Variants in GRM4 observed in about 807,000 individuals in gnomAD.
GRM4 encodes the protein metabotropic glutamate receptor 4.
Under a neutral mutation model 81.7 loss-of-function variants are expected in GRM4, and 28 were observed. The observed-to-expected ratio is 0.34, with a 90% CI of 0.25 to 0.47. The LOEUF (loss-of-function observed/expected upper bound fraction) is 0.47, where lower values mean the gene tolerates loss of function less well. GRM4 is among the 20% of genes least tolerant of loss of function. The pLI is 1.00. For missense variants in GRM4, 948 were observed against 1,290.0 expected, an observed-to-expected ratio of 0.73 and a Z score of 4.06; for synonymous variants, 488 against 528.8, an observed-to-expected ratio of 0.92 and a Z score of 1.06.
chr6:34,056,749 G>T (rs561409058), intron 5 of GRM4, 65 bp from the exon 6 acceptor site: 1 of 1,542,544 alleles, frequency 6.5e-7, no homozygotes, highest in Non-Finnish European at 8.8e-7. Context: ...AGCCCTCCCC[G>T]CCTCCCCCAG....
chr6:34,033,227 T>C (rs1285778855), intron 9 of GRM4, among the ~76,000 whole-genome samples: 1 of 152,134 alleles, frequency 6.6e-6, no homozygotes, highest in Non-Finnish European at 1.5e-5. Context: ...GCAGACCCAG[T>C]CTCAGATCTC....
At chr6:34,023,930 T>C (rs1004957615) in intron 10 of GRM4, among the ~76,000 whole-genome samples, 2 of 152,156 alleles carry the variant, frequency 1.3e-5, no homozygotes, top group African/African-American at 4.8e-5. Context: ...CAGGGCAGTA[T>C]TGCTGCCTGG....
rs1330704103 is a variant in GRM4, at chr6:34,102,077, T to C, written c.520-9978A>G. Reference sequence around the variant, plus strand: ...AGTCCTAAGGGTCCTCTTTTTTCTCTTGGCGCCATCATGGGGAAATAGCTT... The same window carrying C: ...AGTCCTAAGGGTCCTCTTTTTTCTCCTGGCGCCATCATGGGGAAATAGCTT... On this transcript the variant is annotated intron_variant, in intron 2 of 10. Coordinates refer to ENST00000538487, the MANE Select transcript of GRM4 (RefSeq NM_000841.4). The C allele has an allele frequency of 2.6e-6, 4 of 1,535,608 alleles. No individual in the cohort carries two copies. In the South Asian group the frequency reaches 3.6e-5, roughly 14 times the overall value.
intron 1 of GRM4, among the ~76,000 whole-genome samples, chr6:34,154,590 T>TAC (rs57603011): frequency 0.27 from 39,176 of 144,684 alleles, 5,631 homozygotes; most frequent in Non-Finnish European, 0.33. Context: ...TGGTCCTGAC[T>TAC]ACACACACAC....
rs1764733668 is a variant in GRM4 at position 34,036,698 on chromosome 6, C to G, written c.1507-95G>C. On this transcript the variant is annotated intron_variant, in intron 8 of 10. Transcript: ENST00000538487. This position sits in a 1 kb window ranked among gnomAD's most constrained non-coding sequence, Gnocchi z 9.0. Reference sequence around the variant, plus strand: ...TGGTGGCACCTTGTAGCCCCACACTCAAATCACCCAGCTAGTTGGCTAAAA... The same window carrying G: ...TGGTGGCACCTTGTAGCCCCACACTGAAATCACCCAGCTAGTTGGCTAAAA... 3.0e-6 allele frequency: 2 copies of G among 668,542 alleles called. No individual in the cohort carries two copies. The highest frequency in any genetic ancestry group is 3.6e-5 in the African/African-American group (2 of 55,598). The allele number at this position is 668,542 out of a possible 1,614,324, so 41.4% of individuals were successfully genotyped here.
Position 34,018,875 on chromosome 6 carries a change from A to G in GRM4, c.*3946T>C, listed in dbSNP as rs951211178. The G allele has an allele frequency of 1.3e-5, 2 of 152,372 alleles. No individual in the cohort carries two copies. Among genetic ancestry groups the G allele is most frequent in the Non-Finnish European group, 2.9e-5 (2 of 68,162 alleles). The allele number at this position is 152,372 out of a possible 1,614,324, so 9.4% of individuals were successfully genotyped here. On this transcript the variant is annotated 3_prime_UTR_variant, in exon 11 of 11. Coordinates refer to ENST00000538487, the MANE Select transcript of GRM4 (RefSeq NM_000841.4). ...GGCCAAGCCCTGAGGGGCAGCCAGG[A>G]CCATCCAGGGCAGGCAGGATGACAG... is the stretch of plus-strand genomic sequence containing the variant.
chr6:34,038,839 C>G (rs9394185), intron 8 of GRM4, among the ~76,000 whole-genome samples: 1 of 151,746 alleles, frequency 6.6e-6, no homozygotes, highest in East Asian at 1.9e-4. Flanking sequence ...CCACTGCCAC[C>G]CACACGTGCC....
At chr6:34,104,945 G>A (rs1355062216) in intron 2 of GRM4, among the ~76,000 whole-genome samples, 2 of 152,142 alleles carry the variant, frequency 1.3e-5, no homozygotes, top group Non-Finnish European at 2.9e-5. Context: ...CCTCAGTGTA[G>A]CGTCTGGGGT....
chr6:34,041,172 G>A (rs1765005220), intron 6 of GRM4, among the ~76,000 whole-genome samples: 1 of 152,170 alleles, frequency 6.6e-6, no homozygotes. Context: ...CCAGGACAGG[G>A]GCTATGTCCA....
At chr6:34,083,243 G>A (rs1041462031) in intron 3 of GRM4, among the ~76,000 whole-genome samples, 1 of 152,150 alleles carries the variant, frequency 6.6e-6, no homozygotes, top group Non-Finnish European at 1.5e-5. Context: ...CAGGCCCGGC[G>A]ACACCAACCT....
chr6:34,127,437 G>A (rs75903978), intron 2 of GRM4, among the ~76,000 whole-genome samples: 7,868 of 152,332 alleles, frequency 0.052, 331 homozygotes, highest in East Asian at 0.11. Context: ...AGTGCCCAGA[G>A]AGACAAAGGG....
chr6:34,075,416 A>G (rs1262917888), intron 3 of GRM4, among the ~76,000 whole-genome samples: 2 of 152,216 alleles, frequency 1.3e-5, no homozygotes, highest in African/African-American at 4.8e-5. Context: ...TCCCTCTGCC[A>G]GAAATGCCCT....
chr6:34,058,639 A>T (rs1581631163), intron 5 of GRM4, among the ~76,000 whole-genome samples: 1 of 152,060 alleles, frequency 6.6e-6, no homozygotes, highest in Non-Finnish European at 1.5e-5. Flanking sequence ...GGGCCTGTCA[A>T]CCCCAGGCAG....
chr6:34,049,776 G>A (rs796946394), intron 6 of GRM4, among the ~76,000 whole-genome samples: 12 of 151,870 alleles, frequency 7.9e-5, no homozygotes, highest in Non-Finnish European at 1.3e-4. Context: ...TAAACACCAC[G>A]GCCACACTGC....
chr6:34,130,896 C>T lies in GRM4; in HGVS notation c.519+2082G>A, dbSNP rs947842958. On this transcript the variant is annotated intron_variant, in intron 2 of 10. Coordinates refer to ENST00000538487, the MANE Select transcript of GRM4 (RefSeq NM_000841.4). This position sits in a 1 kb window ranked among gnomAD's most constrained non-coding sequence, Gnocchi z 4.1. ...TACAACTCAGATAAAGAGAATACAGCAGCCTCCCTTGTGGGGTGGCCTTCC... is the reference window on the plus strand; with the variant it reads ...TACAACTCAGATAAAGAGAATACAGTAGCCTCCCTTGTGGGGTGGCCTTCC... Among the ~76,000 whole-genome samples the T allele has an allele frequency of 6.6e-6, 1 of 152,272 alleles. No homozygotes were observed. Among genetic ancestry groups the T allele is most frequent in the Admixed American group, 6.5e-5 (1 of 15,292 alleles).
rs1350787458 is a variant in GRM4 at position 34,090,656 on chromosome 6, C to A, written c.736+1227G>T. On this transcript the variant is annotated intron_variant, in intron 3 of 10. Transcript: ENST00000538487. The surrounding 1 kb of genome is among the most constrained non-coding windows in gnomAD (Gnocchi z 5.2). Reference sequence around the variant, plus strand: ...CCACTTCCCGCCGCCCCGCTGCCCCCTCCACCAGGTGGAGGCCCCCAAGCA... The same window carrying A: ...CCACTTCCCGCCGCCCCGCTGCCCCATCCACCAGGTGGAGGCCCCCAAGCA... Among the ~76,000 whole-genome samples the A allele has an allele frequency of 6.6e-6, 1 of 152,212 alleles. No individual in the cohort carries two copies. The highest frequency in any genetic ancestry group is 1.9e-4 in the East Asian group (1 of 5,164).
In GRM4 at chr6:34,121,645, T is replaced by TGGGCCA. The variant is rs1230015382; in HGVS notation, c.519+11327_519+11332dup. 6.6e-6 allele frequency among the ~76,000 whole-genome samples: 1 copy of TGGGCCA among 152,160 alleles called. No homozygotes were observed. The highest frequency in any genetic ancestry group is 1.5e-5 in the Non-Finnish European group (1 of 68,012). ...AGATCCCCGCTCAGGGCACCTCTGC[T>TGGGCCA]GGGCCAGGGCCAGGGCTGAGCAGAG... is the stretch of plus-strand genomic sequence containing the variant. On this transcript the variant is annotated intron_variant, in intron 2 of 10. Coordinates refer to ENST00000538487, the MANE Select transcript of GRM4 (RefSeq NM_000841.4). This position sits in a 1 kb window ranked among gnomAD's most constrained non-coding sequence, Gnocchi z 4.6.
intron 3 of GRM4, among the ~76,000 whole-genome samples, chr6:34,087,418 CAAAA>C (rs765556138): frequency 1.5e-5 from 1 of 66,568 alleles, no homozygotes. Context: ...GACTCCATCT[CAAAA>C]AAAAAAAAAA....
At chr6:34,108,920 C>T (rs1266525169) in intron 2 of GRM4, among the ~76,000 whole-genome samples, 1 of 152,198 alleles carries the variant, frequency 6.6e-6, no homozygotes, top group Non-Finnish European at 1.5e-5. Flanking sequence ...CTGCAACCCT[C>T]ACTCAGGTCT....
Sources: allele counts gnomAD v4.1 joint callset (sites outside exome capture counted in the v4.1 genomes callset), GRCh38; gene constraint gnomAD v4.1.1; non-coding constraint Gnocchi (gnomAD v3.1); transcripts MANE v1.5; gene names NCBI Gene and HGNC (gene_info 2026-07-23, HGNC 2026-07-21).